Variants in IDO2 observed in about 807,000 individuals in gnomAD.
IDO2 encodes the protein indoleamine 2,3-dioxygenase 2.
In IDO2, 46 loss-of-function variants were observed where a neutral mutation model predicts 45.1. The observed-to-expected ratio is 1.02, with a 90% CI of 0.80 to 1.30. The LOEUF (loss-of-function observed/expected upper bound fraction) is 1.30, where lower values mean the gene tolerates loss of function less well. IDO2 is among the 50% of genes most tolerant of loss of function. IDO2 has a pLI of 0.00. For synonymous variants in IDO2, 218 were observed against 184.9 expected, an observed-to-expected ratio of 1.18 and a Z score of -1.45; for missense variants, 544 against 491.8, an observed-to-expected ratio of 1.11 and a Z score of -1.00.
chr8:39,959,231 C>T (rs1316307192), intron 2 of IDO2, among the ~76,000 whole-genome samples: 1 of 151,872 alleles, frequency 6.6e-6, no homozygotes, highest in African/African-American at 2.4e-5. Context: ...CCTTAGCCTC[C>T]CGAGTAGCTG....
chr8:40,005,661 GTCAC>G (rs550165015), intron 9 of IDO2, among the ~76,000 whole-genome samples: 1 of 152,178 alleles, frequency 6.6e-6, no homozygotes, highest in African/African-American at 2.4e-5. Flanking sequence ...AACACAGTAT[GTCAC>G]TCACACAGTT....
At chr8:39,998,032 C>A in intron 8 of IDO2, 1 of 235,452 alleles carries the variant, frequency 4.2e-6, no homozygotes, top group South Asian at 7.2e-5. Flanking sequence ...ACTTCTCCAC[C>A]AATTCCCTTC....
intron 8 of IDO2, 106 bp from the exon 9 acceptor site, chr8:40,005,221 C>A: frequency 1.7e-6 from 1 of 598,720 alleles, no homozygotes. Flanking sequence ...GGTCTCCATG[C>A]ATATCAGATA....
intron 8 of IDO2, among the ~76,000 whole-genome samples, chr8:40,004,536 TAGATA>T (rs1802188298): frequency 6.6e-6 from 1 of 150,826 alleles, no homozygotes; most frequent in Admixed American, 6.6e-5. Context: ...GATAGATAGA[TAGATA>T]GATAGATAGA....
intron 1 of IDO2, among the ~76,000 whole-genome samples, chr8:39,948,332 C>T (rs942582759): frequency 6.6e-6 from 1 of 152,220 alleles, no homozygotes; most frequent in Non-Finnish European, 1.5e-5. Context: ...CCTCCCCTCC[C>T]TGCTCACCAC....
chr8:39,976,261 G>C (rs1488686489), intron 3 of IDO2, among the ~76,000 whole-genome samples: 1 of 152,124 alleles, frequency 6.6e-6, no homozygotes, highest in Non-Finnish European at 1.5e-5. Context: ...ACAGGTGTGA[G>C]TCACTGTGCC....
intron 2 of IDO2, among the ~76,000 whole-genome samples, chr8:39,960,331 T>A (rs1807972861): frequency 6.6e-6 from 1 of 152,076 alleles, no homozygotes; most frequent in African/African-American, 2.4e-5. Flanking sequence ...CTAGATCTTC[T>A]ACTGCTGCAA....
chr8:39,950,390 G>A (rs2129593343), intron 2 of IDO2, among the ~76,000 whole-genome samples: 1 of 152,238 alleles, frequency 6.6e-6, no homozygotes, highest in Non-Finnish European at 1.5e-5. Context: ...AAATTGGCCA[G>A]GCGTGGTGGC....
intron 1 of IDO2, among the ~76,000 whole-genome samples, chr8:39,935,561 TG>T (rs1807533018): frequency 6.6e-6 from 1 of 152,116 alleles, no homozygotes; most frequent in Non-Finnish European, 1.5e-5. Flanking sequence ...GCAATTCTTC[TG>T]CCACAGCCTT....
At chr8:39,937,753 T>G (rs1196063739) in intron 1 of IDO2, among the ~76,000 whole-genome samples, 3 of 152,154 alleles carry the variant, frequency 2.0e-5, no homozygotes, top group African/African-American at 7.2e-5. Flanking sequence ...ACTCCTGGCC[T>G]CAGGTGATCC....
intron 3 of IDO2, among the ~76,000 whole-genome samples, chr8:39,970,900 G>A (rs2129594089): frequency 6.6e-6 from 1 of 151,318 alleles, no homozygotes; most frequent in East Asian, 2.0e-4. Flanking sequence ...CTGAGTAGCT[G>A]GGACTACAGG....
At chr8:39,967,655 T>C (rs1487474537) in intron 3 of IDO2, among the ~76,000 whole-genome samples, 3 of 152,220 alleles carry the variant, frequency 2.0e-5, no homozygotes, top group Middle Eastern at 3.4e-3. Context: ...ACCCAGCTAA[T>C]TTTTGTATTT....
intron 1 of IDO2, among the ~76,000 whole-genome samples, chr8:39,944,404 C>T (rs1283487154): frequency 6.6e-6 from 1 of 152,118 alleles, no homozygotes; most frequent in East Asian, 1.9e-4. Context: ...CTTTTAGACT[C>T]CCCGTTTTCC....
chr8:39,958,899 A>T (rs1479568115), intron 2 of IDO2, among the ~76,000 whole-genome samples: 1 of 152,230 alleles, frequency 6.6e-6, no homozygotes, highest in African/African-American at 2.4e-5. Flanking sequence ...TTTTCTTTAA[A>T]TTATAAATTT....
intron 3 of IDO2, among the ~76,000 whole-genome samples, chr8:39,969,840 A>G (rs977136875): frequency 1.3e-5 from 2 of 150,796 alleles, no homozygotes; most frequent in South Asian, 2.1e-4. Context: ...GTGCGATTGC[A>G]CTCCAGCCAG....
chr8:39,985,540 A>G lies in IDO2; in HGVS notation c.449+18A>G, dbSNP rs749901758. On this transcript the variant is annotated intron_variant, in intron 6 of 10. Transcript: ENST00000502986. ...GAAATTGGGTAAGTTCTCAGAAATC[A>G]TTTACGCACTTTAGAATCCAGGCCA... The G allele has an allele frequency of 1.3e-6, 2 of 1,558,606 alleles. No individual in the cohort carries two copies. Among genetic ancestry groups the G allele is most frequent in the East Asian group, 2.4e-5 (1 of 42,332 alleles).
chr8:40,003,733 AT>A (rs1245174145), intron 8 of IDO2, among the ~76,000 whole-genome samples: 1 of 151,892 alleles, frequency 6.6e-6, no homozygotes, highest in Admixed American at 6.6e-5. Context: ...CTTTTTAATA[AT>A]TTTTTTCTTA....
At chr8:39,958,226 G>A (rs2007028) in intron 2 of IDO2, among the ~76,000 whole-genome samples, 28,494 of 151,562 alleles carry the variant, frequency 0.19, 2,645 homozygotes, top group East Asian at 0.26. Context: ...TTTTGAGACG[G>A]AGTCTTGCTC....
chr8:39,951,993 A>T (rs1807821178), intron 2 of IDO2, among the ~76,000 whole-genome samples: 1 of 152,230 alleles, frequency 6.6e-6, no homozygotes, highest in Admixed American at 6.5e-5. Context: ...TGCAGAAAAA[A>T]GTCCCTTGGG....
Sources: allele counts gnomAD v4.1 joint callset (sites outside exome capture counted in the v4.1 genomes callset), GRCh38; gene constraint gnomAD v4.1.1; transcripts MANE v1.5; gene names NCBI Gene and HGNC (gene_info 2026-07-23, HGNC 2026-07-21).